The following PPFIBP2 variants were observed in gnomAD, a reference collection of about 807,000 sequenced individuals.
The protein encoded by PPFIBP2 is PPFIB scaffold protein 2.
A neutral mutation model predicts 118.3 loss-of-function variants in PPFIBP2; 118 were observed. The observed-to-expected ratio is 1.00, with a 90% confidence interval of 0.86 to 1.16. The LOEUF (loss-of-function observed/expected upper bound fraction) is 1.16, where lower values mean the gene tolerates loss of function less well. PPFIBP2 is among the 50% of genes most tolerant of loss of function. The pLI is 0.00. For synonymous variants in PPFIBP2, 414 were observed against 397.4 expected, an observed-to-expected ratio of 1.04 and a Z score of -0.50; for missense variants, 1,195 against 1,073.1, an observed-to-expected ratio of 1.11 and a Z score of -1.59.
Position 7,648,699 on chromosome 11 carries a change from T to C in PPFIBP2, c.1798-101T>C, listed in dbSNP as rs1321303918. 3.5e-6 allele frequency: 5 copies of C among 1,420,694 alleles called. No individual in the cohort carries two copies. In the East Asian group the frequency reaches 1.1e-4, roughly 32 times the overall value. The allele number at this position is 1,420,694 out of a possible 1,614,324, so 88.0% of individuals were successfully genotyped here. A position where few individuals can be genotyped will look rare whatever the true frequency, so the allele number is the denominator to read the frequency against. ...GGCATCCCAGGGCACGGTGTGGAGA[T>C]ACACTGCCATACTCAGAGCATCTCC... On this transcript the variant is annotated intron_variant, in intron 18 of 23. Coordinates refer to ENST00000299492, the MANE Select transcript of PPFIBP2 (RefSeq NM_003621.5).
intron 1 of PPFIBP2, among the ~76,000 whole-genome samples, chr11:7,520,534 A>C (rs1184446901): frequency 6.6e-6 from 1 of 151,618 alleles, no homozygotes; most frequent in South Asian, 2.1e-4. Flanking sequence ...CTGAAATGCA[A>C]ATCTGTTCAT....
chr11:7,637,426 C>T (rs550753563), intron 14 of PPFIBP2, among the ~76,000 whole-genome samples: 1 of 152,200 alleles, frequency 6.6e-6, no homozygotes, highest in Non-Finnish European at 1.5e-5. Flanking sequence ...TATGTTATTT[C>T]CTGGCAAACC....
At chr11:7,623,519 G>A (rs1476222097) in intron 7 of PPFIBP2, among the ~76,000 whole-genome samples, 4 of 152,192 alleles carry the variant, frequency 2.6e-5, no homozygotes, top group African/African-American at 4.8e-5. Flanking sequence ...CTATTTCTGT[G>A]GAAATTGGCA....
At chr11:7,542,601 C>G (rs1366906697) in intron 1 of PPFIBP2, among the ~76,000 whole-genome samples, 1 of 152,178 alleles carries the variant, frequency 6.6e-6, no homozygotes, top group East Asian at 1.9e-4. Context: ...ATTTTCCCCC[C>G]ATTTGTCATT....
chr11:7,530,126 G>C (rs555304066), intron 1 of PPFIBP2, among the ~76,000 whole-genome samples: 1 of 152,282 alleles, frequency 6.6e-6, no homozygotes, highest in East Asian at 1.9e-4. Flanking sequence ...TAGTACAGTT[G>C]GGAACATGTT....
Position 7,649,612 on chromosome 11 carries a change from C to T in PPFIBP2, c.2079C>T (p.Asn693=). The change falls in exon 21 of 24, where the codon AAC becomes AAT. Residue 693 remains asparagine, a synonymous_variant. Transcript: ENST00000299492. ...IKCAIHVLHV[N]KFNPHCLHRR... ...GTGCCATTCACGTGCTGCATGTCAA[C>T]AAGTTCAACCCCCACTGCCTGCACC... 1.2e-6 allele frequency: 2 copies of T among 1,614,272 alleles called. No homozygotes were observed. The highest frequency in any genetic ancestry group is 1.7e-6 in the Non-Finnish European group (2 of 1,180,052).
chr11:7,575,544 C>A (rs552132938), intron 3 of PPFIBP2, among the ~76,000 whole-genome samples: 77 of 152,314 alleles, frequency 5.1e-4, no homozygotes, highest in South Asian at 1.5e-3. Flanking sequence ...TGGAACCTTG[C>A]GCCACCTCTC....
intron 11 of PPFIBP2, chr11:7,632,550 C>CT (rs1850902154): frequency 5.2e-6 from 1 of 193,692 alleles, no homozygotes; most frequent in Non-Finnish European, 1.1e-5. Flanking sequence ...AAAGGAAAAG[C>CT]TGAAGAACCA....
intron 1 of PPFIBP2, among the ~76,000 whole-genome samples, chr11:7,542,678 A>T (rs1320689132): frequency 6.6e-6 from 1 of 152,220 alleles, no homozygotes; most frequent in Non-Finnish European, 1.5e-5. Flanking sequence ...GTTCAGATGC[A>T]CCAGGTGTTC....
intron 4 of PPFIBP2, among the ~76,000 whole-genome samples, chr11:7,596,926 A>G (rs1179203703): frequency 6.6e-6 from 1 of 152,230 alleles, no homozygotes; most frequent in East Asian, 1.9e-4. Flanking sequence ...AGCGTTCTTC[A>G]GAAAGATGAC....
chr11:7,516,539 A>G (rs1564929961), intron 1 of PPFIBP2, among the ~76,000 whole-genome samples: 1 of 152,144 alleles, frequency 6.6e-6, no homozygotes, highest in African/African-American at 2.4e-5. Flanking sequence ...AGAGCCTGCC[A>G]ACAGACAACA....
intron 3 of PPFIBP2, among the ~76,000 whole-genome samples, chr11:7,573,573 G>A (rs556297169): frequency 6.6e-6 from 1 of 152,292 alleles, no homozygotes; most frequent in Non-Finnish European, 1.5e-5. Flanking sequence ...GCCATCTGGC[G>A]CTTTACAGGA....
intron 3 of PPFIBP2, among the ~76,000 whole-genome samples, chr11:7,567,371 A>G (rs1236621148): frequency 6.6e-6 from 1 of 152,214 alleles, no homozygotes; most frequent in Non-Finnish European, 1.5e-5. Flanking sequence ...TTTTTTCAAG[A>G]TGCATTGGTA....
intron 3 of PPFIBP2, among the ~76,000 whole-genome samples, chr11:7,582,282 T>C (rs1857390392): frequency 6.6e-6 from 1 of 152,182 alleles, no homozygotes; most frequent in Non-Finnish European, 1.5e-5. Flanking sequence ...TTTTCAATCC[T>C]ATGGGAAAGG....
intron 12 of PPFIBP2, among the ~76,000 whole-genome samples, chr11:7,633,655 C>G (rs1388884337): frequency 1.3e-5 from 2 of 152,172 alleles, no homozygotes; most frequent in African/African-American, 2.4e-5. Flanking sequence ...TCTGAGTCCA[C>G]TTTCCAGAAA....
intron 1 of PPFIBP2, among the ~76,000 whole-genome samples, chr11:7,528,470 T>C (rs958626039): frequency 2.6e-5 from 4 of 152,182 alleles, no homozygotes; most frequent in South Asian, 4.1e-4. Context: ...CTGAATCTTC[T>C]CTAATTTATA....
At chr11:7,665,708 G>C in the PPFIBP2 span, 1 of 1,151,580 alleles carries the variant, frequency 8.7e-7, no homozygotes, top group South Asian at 1.5e-5. Flanking sequence ...CTCAGAACTA[G>C]TAAACAGCCC....
the PPFIBP2 span, chr11:7,665,377 G>C: frequency 3.2e-6 from 5 of 1,562,736 alleles, no homozygotes; most frequent in Non-Finnish European, 4.3e-6. Context: ...GGAGGTGTTA[G>C]TAGGTGAAAA....
At position 7,649,170 on chromosome 11, in the gene PPFIBP2, C is replaced by T; in HGVS notation, c.1933C>T (p.Pro645Ser). ...VTRWLDDIGLPQYKDQFHESR... is the reference protein window; with the variant it reads ...VTRWLDDIGLSQYKDQFHESR... Reference sequence around the variant, plus strand: ...AGGGTGGCTTGATGATATTGGCTTACCCCAGTACAAAGACCAGTTTCATGA... The same window carrying T: ...AGGGTGGCTTGATGATATTGGCTTATCCCAGTACAAAGACCAGTTTCATGA... The change falls in exon 20 of 24, where the codon CCC becomes TCC. Residue 645 changes from proline to serine, a missense_variant. Pro to Ser is a moderately conservative substitution (Grantham distance 74). Transcript: ENST00000299492. 2 of 1,614,030 alleles carry T rather than the reference C, an allele frequency of 1.2e-6. No individual in the cohort carries two copies. Among genetic ancestry groups the T allele is most frequent in the Non-Finnish European group, 1.7e-6 (2 of 1,179,918 alleles).
Sources: gnomAD v4.1 joint callset for allele counts (sites outside exome capture counted in the v4.1 genomes callset) on GRCh38, gnomAD v4.1.1 for gene constraint, MANE v1.5 for transcripts, NCBI Gene and HGNC (gene_info 2026-07-23, HGNC 2026-07-21) for gene names.